The following PTPRG variants were observed in gnomAD, a reference collection of about 807,000 sequenced individuals.
The protein encoded by PTPRG is protein tyrosine phosphatase receptor type G, also known as receptor-type tyrosine-protein phosphatase gamma.
PTPRG carries 102 observed loss-of-function variants against 165.3 expected under a neutral mutation model. The ratio of observed to expected loss-of-function variants is 0.62; its 90% CI spans 0.53 to 0.73. The LOEUF is 0.73. Ranked by LOEUF, PTPRG falls within the 30% of genes least tolerant of loss-of-function variation. The pLI is 0.00. For synonymous variants in PTPRG, 675 were observed against 669.5 expected (o/e 1.01, Z -0.13); for missense variants, 1,866 against 1,861.4 (o/e 1.00, Z -0.05).
chr3:61,976,197 T>C (rs946617946), intron 2 of PTPRG, among the ~76,000 whole-genome samples: 3 of 152,320 alleles, frequency 2.0e-5, no homozygotes, highest in South Asian at 4.1e-4. Context: ...TCATAATAGA[T>C]TGAAAAACCC....
At position 62,195,108 on chromosome 3, in the gene PTPRG, G is replaced by A. The variant is rs372589382; in HGVS notation, c.1265G>A (p.Arg422Gln). 2 of 1,614,190 alleles carry A rather than the reference G, an allele frequency of 1.2e-6. No homozygotes were observed. Among genetic ancestry groups the A allele is most frequent in the Non-Finnish European group, 1.7e-6 (2 of 1,180,036 alleles). ...HVSPDSLYLF[R>Q]VQAVCRNDMR... ...TCACCCGATAGCCTTTACCTGTTCC[G>A]AGTCCAGGCCGTGTGTCGGAACGAC... The change falls in exon 10 of 30, where the codon CGA (arginine) becomes CAA (glutamine). Residue 422 changes from arginine (R) to glutamine (Q), a missense_variant. Arg to Gln is a conservative substitution (Grantham distance 43). Transcript: ENST00000474889. This position sits in a 1 kb window ranked among gnomAD's most constrained non-coding sequence, Gnocchi z 4.4.
At chr3:61,630,791 C>T (rs1381173507) in intron 1 of PTPRG, among the ~76,000 whole-genome samples, 3 of 152,128 alleles carry the variant, frequency 2.0e-5, no homozygotes, top group Admixed American at 6.5e-5. Flanking sequence ...GGCGCGGTGG[C>T]TCATGCCTGT....
chr3:62,212,046 AAAGGCTGT>A (rs377218370), intron 12 of PTPRG, among the ~76,000 whole-genome samples: 17 of 152,038 alleles, frequency 1.1e-4, no homozygotes, highest in African/African-American at 4.1e-4. Context: ...GGAGAGAAAG[AAAGGCTGT>A]ACGGAGAGAA....
chr3:61,907,393 A>G (rs2038683278), intron 2 of PTPRG, among the ~76,000 whole-genome samples: 1 of 152,216 alleles, frequency 6.6e-6, no homozygotes, highest in Non-Finnish European at 1.5e-5. Context: ...TTCCCAGCAG[A>G]GCCCAGATGT....
intron 1 of PTPRG, among the ~76,000 whole-genome samples, chr3:61,735,529 G>GTTTTTTTT (rs11352504): frequency 1.4e-5 from 2 of 143,168 alleles, no homozygotes; most frequent in Non-Finnish European, 1.5e-5. Flanking sequence ...AATTCCTTGA[G>GTTTTTTTT]TTTTTTTTTT....
chr3:61,658,051 A>G (rs1267409272), intron 1 of PTPRG, among the ~76,000 whole-genome samples: 5 of 152,162 alleles, frequency 3.3e-5, no homozygotes, highest in African/African-American at 7.2e-5. Flanking sequence ...ATGTTTGGGA[A>G]GTATAAGAGC....
chr3:61,707,643 A>G (rs1005109610), intron 1 of PTPRG, among the ~76,000 whole-genome samples: 2 of 152,202 alleles, frequency 1.3e-5, no homozygotes, highest in African/African-American at 4.8e-5. Context: ...CAGTCTATCA[A>G]TTCAAATGTT....
chr3:62,201,637 A>T, intron 11 of PTPRG, 83 bp downstream of exon 11: 4 of 1,377,720 alleles, frequency 2.9e-6, no homozygotes, highest in Non-Finnish European at 4.1e-6. Context: ...AAGTGGCAGT[A>T]TAATGTTGTT....
At chr3:62,159,339 G>A (rs1691584895) in intron 7 of PTPRG, among the ~76,000 whole-genome samples, 2 of 150,842 alleles carry the variant, frequency 1.3e-5, no homozygotes, top group South Asian at 4.2e-4. Context: ...AAAAAAAAAA[G>A]AGAAAGATTT....
chr3:61,727,761 G>C (rs995353932), intron 1 of PTPRG, among the ~76,000 whole-genome samples: 5 of 152,114 alleles, frequency 3.3e-5, no homozygotes, highest in Non-Finnish European at 7.3e-5. Flanking sequence ...GTCAAACAAT[G>C]GTATGTTCTA....
chr3:62,171,094 G>C (rs80267519), intron 8 of PTPRG, among the ~76,000 whole-genome samples: 3,868 of 152,270 alleles, frequency 0.025, 72 homozygotes, highest in Non-Finnish European at 0.042. Context: ...GTTGTGGCCT[G>C]TAGTTGTAGT....
chr3:61,690,555 G>A (rs1478958653), intron 1 of PTPRG, among the ~76,000 whole-genome samples: 1 of 152,214 alleles, frequency 6.6e-6, no homozygotes, highest in Non-Finnish European at 1.5e-5. Flanking sequence ...AACTGTTTAA[G>A]CTTAAGTCAC....
chr3:61,832,799 A>G (rs1482427025), intron 2 of PTPRG, among the ~76,000 whole-genome samples: 1 of 152,196 alleles, frequency 6.6e-6, no homozygotes, highest in Non-Finnish European at 1.5e-5. Flanking sequence ...TGCTGCATCC[A>G]TCACTTGAGC....
At chr3:62,073,841 A>G (rs189462510) in intron 4 of PTPRG, among the ~76,000 whole-genome samples, 40 of 152,302 alleles carry the variant, frequency 2.6e-4, no homozygotes, top group African/African-American at 8.4e-4. Context: ...GAGTAAAGAA[A>G]GAGGCTCAGT....
At chr3:61,682,759 TCAC>T (rs1703494661) in intron 1 of PTPRG, among the ~76,000 whole-genome samples, 1 of 152,190 alleles carries the variant, frequency 6.6e-6, no homozygotes, top group South Asian at 2.1e-4. Flanking sequence ...ATTATAATCA[TCAC>T]CACAAGTGGC....
At chr3:61,610,717 T>C (rs532768843) in intron 1 of PTPRG, among the ~76,000 whole-genome samples, 2 of 151,300 alleles carry the variant, frequency 1.3e-5, no homozygotes, top group African/African-American at 4.9e-5. Context: ...ACTTGAGTAT[T>C]ACTTATTCTC....
intron 2 of PTPRG, among the ~76,000 whole-genome samples, chr3:61,886,601 A>G (rs2038044922): frequency 6.6e-6 from 1 of 152,110 alleles, no homozygotes; most frequent in South Asian, 2.1e-4. Flanking sequence ...GCAGAAGTCA[A>G]AGGTGGAAAG....
intron 1 of PTPRG, among the ~76,000 whole-genome samples, chr3:61,594,554 C>T (rs1484744431): frequency 6.6e-6 from 1 of 152,152 alleles, no homozygotes; most frequent in Non-Finnish European, 1.5e-5. Flanking sequence ...ATACCACCTC[C>T]TCCATCCAAT....
intron 2 of PTPRG, among the ~76,000 whole-genome samples, chr3:61,868,083 A>G (rs1487358052): frequency 6.6e-6 from 1 of 152,146 alleles, no homozygotes; most frequent in East Asian, 1.9e-4. Flanking sequence ...GCCCCTCCCC[A>G]CATTCTCCCT....
Sources: allele counts gnomAD v4.1 joint callset (sites outside exome capture counted in the v4.1 genomes callset), GRCh38; gene constraint gnomAD v4.1.1; non-coding constraint Gnocchi (gnomAD v3.1); transcripts MANE v1.5; gene names NCBI Gene and HGNC (gene_info 2026-07-23, HGNC 2026-07-21).